SUMF1: variants seen among roughly 807,000 people sequenced by gnomAD.
SUMF1 encodes sulfatase modifying factor 1.
A neutral mutation model predicts 47.6 loss-of-function variants in SUMF1; 48 were observed. The observed-to-expected ratio is 1.01, with a 90% CI of 0.80 to 1.28. SUMF1 has a LOEUF of 1.28. Ranked by LOEUF, SUMF1 falls within the 50% of genes most tolerant of loss-of-function variation. SUMF1 has a pLI of 0.00. For synonymous variants in SUMF1, 230 were observed against 192.1 expected (o/e 1.20, Z -1.63); for missense variants, 571 against 485.4 (o/e 1.18, Z -1.66).
At chr3:4,305,419 G>T (rs142847186) in intron 8 of SUMF1, among the ~76,000 whole-genome samples, 1,699 of 152,246 alleles carry the variant, frequency 0.011, 17 homozygotes, top group Non-Finnish European at 0.017. Flanking sequence ...GTGGGGAGGA[G>T]ACTCCCAGCT....
chr3:4,369,863 G>C (rs1327738642), intron 8 of SUMF1, among the ~76,000 whole-genome samples: 1 of 151,992 alleles, frequency 6.6e-6, no homozygotes, highest in Admixed American at 6.6e-5. Flanking sequence ...GAAGTTGAGA[G>C]GATAGCAAGG....
intron 9 of SUMF1, among the ~76,000 whole-genome samples, chr3:4,037,669 C>T (rs1694823575): frequency 3.3e-5 from 5 of 152,176 alleles, no homozygotes; most frequent in Admixed American, 2.6e-4. Flanking sequence ...TCAGACAACT[C>T]AGCTGGTTAA....
chr3:4,353,119 C>T (rs1254143263), intron 8 of SUMF1, among the ~76,000 whole-genome samples: 1 of 152,168 alleles, frequency 6.6e-6, no homozygotes, highest in African/African-American at 2.4e-5. Context: ...AAAAGATTGA[C>T]CCAAGTATGG....
chr3:4,198,850 G>T (rs1695484836), intron 8 of SUMF1, among the ~76,000 whole-genome samples: 1 of 151,672 alleles, frequency 6.6e-6, no homozygotes, highest in Non-Finnish European at 1.5e-5. Flanking sequence ...GAACCACCAT[G>T]AAGTATTCTG....
At chr3:4,327,062 T>C (rs1465297418) in intron 8 of SUMF1, among the ~76,000 whole-genome samples, 1 of 152,188 alleles carries the variant, frequency 6.6e-6, no homozygotes, top group East Asian at 1.9e-4. Flanking sequence ...AAAGGAAATA[T>C]GCTTCAAATT....
chr3:4,465,193 C>G (rs2079910842), intron 1 of SUMF1, among the ~76,000 whole-genome samples: 1 of 152,164 alleles, frequency 6.6e-6, no homozygotes, highest in African/African-American at 2.4e-5. Context: ...GAGGGACAGA[C>G]TGGCTTGGCG....
intron 8 of SUMF1, among the ~76,000 whole-genome samples, chr3:4,084,242 A>G (rs1391633859): frequency 6.6e-6 from 1 of 152,124 alleles, no homozygotes; most frequent in Non-Finnish European, 1.5e-5. Context: ...TCCAGGAAAA[A>G]TGCAAGTGGC....
At chr3:4,052,227 CT>C (rs1695124800) in intron 9 of SUMF1, among the ~76,000 whole-genome samples, 1 of 152,258 alleles carries the variant, frequency 6.6e-6, no homozygotes, top group South Asian at 2.1e-4. Flanking sequence ...AGGCAGCTCT[CT>C]TTGGTCTCTT....
intron 6 of SUMF1, among the ~76,000 whole-genome samples, chr3:4,415,565 C>A (rs1184355086): frequency 6.6e-6 from 1 of 152,182 alleles, no homozygotes; most frequent in Non-Finnish European, 1.5e-5. Context: ...ATAATCCCAA[C>A]ACTTTGGGAG....
chr3:4,133,282 G>A (rs897832724), intron 8 of SUMF1, among the ~76,000 whole-genome samples: 1 of 152,080 alleles, frequency 6.6e-6, no homozygotes, highest in African/African-American at 2.4e-5. Flanking sequence ...ATTTGGGTTG[G>A]GGATTAGTGT....
At chr3:4,350,302 T>A (rs1025390850) in intron 8 of SUMF1, among the ~76,000 whole-genome samples, 2 of 151,810 alleles carry the variant, frequency 1.3e-5, no homozygotes, top group East Asian at 3.9e-4. Context: ...GATTACAGGC[T>A]TGAGCCACCA....
chr3:4,179,175 C>G (rs1559541818), intron 8 of SUMF1, among the ~76,000 whole-genome samples: 1 of 151,982 alleles, frequency 6.6e-6, no homozygotes, highest in African/African-American at 2.4e-5. Flanking sequence ...CACAGAATTG[C>G]AAAAAACTAC....
chr3:4,449,244 AGCCTGTTGAAACATTACTTACT>A lies in SUMF1; in HGVS notation c.519_519+21del. The A allele has an allele frequency of 1.2e-6, 2 of 1,613,566 alleles. No individual in the cohort carries two copies. Among genetic ancestry groups the A allele is most frequent in the Non-Finnish European group, 1.7e-6 (2 of 1,179,482 alleles). ...TCAATGAGCCTTAGAGAAATACAGG[AGCCTGTTGAAACATTACTTACT>A]GCCTGTTGAATATTGGTCTTCACTT... On this transcript the variant is annotated splice_donor_variant and splice_donor_5th_base_variant and coding_sequence_variant and intron_variant, in exon 3 of 9. Coordinates refer to ENST00000272902, the MANE Select transcript of SUMF1 (RefSeq NM_182760.4). LOFTEE classifies it high-confidence loss of function.
In SUMF1 at chr3:4,456,771, C is replaced by CGTGTATATATAT. The variant is rs375727119; in HGVS notation, c.271-3723_271-3722insATATATATACAC. 6.9e-3 allele frequency among the ~76,000 whole-genome samples: 51 copies of CGTGTATATATAT among 7,406 alleles called. 10 individuals are homozygous for CGTGTATATATAT. Among genetic ancestry groups the CGTGTATATATAT allele is most frequent in the East Asian group, 0.028 (13 of 460 alleles). The allele number at this position is 7,406 out of a possible 152,430, so 4.9% of individuals were successfully genotyped here. ...ATATATACGTGTGTGTGTATATATA[C>CGTGTATATATAT]ACATATATACGTGTGTGTGTATATA... On this transcript the variant is annotated intron_variant, in intron 1 of 8. Coordinates refer to ENST00000272902, the MANE Select transcript of SUMF1 (RefSeq NM_182760.4).
intron 8 of SUMF1, among the ~76,000 whole-genome samples, chr3:4,189,067 T>A (rs1040253732): frequency 6.6e-6 from 1 of 152,158 alleles, no homozygotes; most frequent in Admixed American, 6.5e-5. Flanking sequence ...AGTCAATCAG[T>A]TCTGTTAAAT....
intron 7 of SUMF1, among the ~76,000 whole-genome samples, chr3:4,403,381 C>T (rs1442541694): frequency 6.6e-6 from 1 of 152,068 alleles, no homozygotes; most frequent in African/African-American, 2.4e-5. Context: ...TATCAGACAA[C>T]ATCTAGAATG....
intron 9 of SUMF1, among the ~76,000 whole-genome samples, chr3:4,037,218 G>T (rs1298875512): frequency 6.6e-6 from 1 of 152,154 alleles, no homozygotes; most frequent in African/African-American, 2.4e-5. Context: ...AATGAAGAAA[G>T]TAACATAGCA....
At chr3:4,280,003 A>G (rs1267638345) in intron 8 of SUMF1, among the ~76,000 whole-genome samples, 1 of 152,170 alleles carries the variant, frequency 6.6e-6, no homozygotes, top group Non-Finnish European at 1.5e-5. Flanking sequence ...TAGTAAAAAC[A>G]TATACATAAG....
chr3:4,319,612 TC>T (rs1698778767), intron 8 of SUMF1, among the ~76,000 whole-genome samples: 1 of 152,326 alleles, frequency 6.6e-6, no homozygotes, highest in Admixed American at 6.5e-5. Flanking sequence ...CCATGTGTGT[TC>T]CAAAACTTTT....
Sources: gnomAD v4.1 joint callset for allele counts (sites outside exome capture counted in the v4.1 genomes callset) on GRCh38, gnomAD v4.1.1 for gene constraint, MANE v1.5 for transcripts, NCBI Gene and HGNC (gene_info 2026-07-23, HGNC 2026-07-21) for gene names.